The following TP53INP1 variants were observed in gnomAD, a reference collection of about 807,000 sequenced individuals.
The protein encoded by TP53INP1 is tumor protein p53-inducible nuclear protein 1.
A neutral mutation model predicts 21.0 loss-of-function variants in TP53INP1; 12 were observed. That is an observed-to-expected ratio of 0.57 (90% CI 0.37 to 0.93). The LOEUF (loss-of-function observed/expected upper bound fraction) is 0.93, where lower values mean the gene tolerates loss of function less well. Among genes scored for constraint, TP53INP1 ranks in the 40% least tolerant of loss-of-function variants. TP53INP1 has a pLI of 0.01. For synonymous variants in TP53INP1, 91 were observed against 94.8 expected, an observed-to-expected ratio of 0.96 and a Z score of 0.23; for missense variants, 274 against 294.7, an observed-to-expected ratio of 0.93 and a Z score of 0.51.
At chr8:94,945,177 T>C (rs1254613472) in intron 1 of TP53INP1, among the ~76,000 whole-genome samples, 1 of 152,234 alleles carries the variant, frequency 6.6e-6, no homozygotes, top group Non-Finnish European at 1.5e-5. Flanking sequence ...AGTTAGGGTA[T>C]GAATCTACTT....
At chr8:94,940,389 G>A (rs1821415633) in intron 2 of TP53INP1, among the ~76,000 whole-genome samples, 169 bp from the exon 3 acceptor site, 1 of 152,042 alleles carries the variant, frequency 6.6e-6, no homozygotes. Context: ...ATTTAGTTCA[G>A]AAAACCATTT....
intron 1 of TP53INP1, among the ~76,000 whole-genome samples, 197 bp from the exon 2 acceptor site, chr8:94,941,288 T>C (rs979203659): frequency 6.6e-6 from 1 of 152,220 alleles, no homozygotes; most frequent in Non-Finnish European, 1.5e-5. Context: ...ATTCAACCTA[T>C]AAATATCTTA....
At chr8:94,946,116 T>C (rs1270711523) in intron 1 of TP53INP1, among the ~76,000 whole-genome samples, 2 of 152,146 alleles carry the variant, frequency 1.3e-5, no homozygotes, top group African/African-American at 4.8e-5. Context: ...GTTTTTTTTT[T>C]TCTTCTACAC....
rs1268980230 is a variant in TP53INP1, at chr8:94,939,842, T to C, written c.473+18A>G. ...GCTCAGTGGACTGCCTACAGAGAGTTAAATACTTGTAACGTACCTGGGACT... is the reference window on the plus strand; with the variant it reads ...GCTCAGTGGACTGCCTACAGAGAGTCAAATACTTGTAACGTACCTGGGACT... On this transcript the variant is annotated intron_variant, in intron 3 of 3. Coordinates refer to ENST00000342697, the MANE Select transcript of TP53INP1 (RefSeq NM_033285.4). 3.7e-6 allele frequency: 6 copies of C among 1,601,614 alleles called. No individual in the cohort carries two copies. In the East Asian group the frequency reaches 1.3e-4, roughly 36 times the overall value.
At chr8:94,947,724 T>C (rs1822146576) in intron 1 of TP53INP1, among the ~76,000 whole-genome samples, 1 of 152,136 alleles carries the variant, frequency 6.6e-6, no homozygotes, top group Non-Finnish European at 1.5e-5. Context: ...CAAGAGTAAG[T>C]GGTAATTCAT....
At chr8:94,935,178 A>G (rs1820863659) in intron 3 of TP53INP1, among the ~76,000 whole-genome samples, 1 of 91,468 alleles carries the variant, frequency 1.1e-5, no homozygotes, top group African/African-American at 4.0e-5. Flanking sequence ...GATAGATATA[A>G]TACAATACTT....
chr8:94,936,256 G>C (rs775006942), intron 3 of TP53INP1, among the ~76,000 whole-genome samples: 7 of 152,222 alleles, frequency 4.6e-5, no homozygotes, highest in Non-Finnish European at 1.0e-4. Context: ...TAGGAGGGCA[G>C]TGCCCAGAAG....
rs1479938438 is a variant in TP53INP1 at position 94,927,152 on chromosome 8, A to G, written c.*3327T>C. On this transcript the variant is annotated 3_prime_UTR_variant, in exon 4 of 4. Coordinates refer to ENST00000342697, the MANE Select transcript of TP53INP1 (RefSeq NM_033285.4). ...TTTTCCCACTAATCTATTTAAATGT[A>G]AATATCTGTCTTCTAGTTGGAGTCC... The G allele has an allele frequency of 6.6e-6, 1 of 152,658 alleles. No individual in the cohort carries two copies. Among genetic ancestry groups the G allele is most frequent in the Non-Finnish European group, 1.5e-5 (1 of 68,040 alleles). The allele number at this position is 152,658 out of a possible 1,614,324, so 9.5% of individuals were successfully genotyped here. A position where few individuals can be genotyped will look rare whatever the true frequency, so the allele number is the denominator to read the frequency against.
intron 3 of TP53INP1, among the ~76,000 whole-genome samples, chr8:94,934,088 AAAG>A (rs1046677438): frequency 9.2e-5 from 14 of 152,244 alleles, no homozygotes; most frequent in African/African-American, 2.4e-4. Flanking sequence ...AAAAAAAAAA[AAAG>A]AAGTATATAT....
intron 3 of TP53INP1, among the ~76,000 whole-genome samples, chr8:94,937,415 T>TG (rs1462204128): frequency 6.9e-6 from 1 of 144,252 alleles, no homozygotes; most frequent in African/African-American, 2.7e-5. Context: ...CACTCCAGCC[T>TG]GGGTGACACA....
In TP53INP1 at chr8:94,941,098, T is replaced by C. The variant is rs1008104415; in HGVS notation, c.-150-7A>G. The C allele has an allele frequency of 1.5e-4, 89 of 596,670 alleles. No homozygotes were observed. The African/African-American group carries it at 1.5e-3, about 10-fold the overall frequency. 37.0% of individuals were successfully genotyped at this position (596,670 alleles called of 1,614,324 possible). ...GCAAGAAGAGTCATTGTACCTAAAA[T>C]AAAACAGAAAAAGGAAGTTATTTCA... On this transcript the variant is annotated splice_region_variant and splice_polypyrimidine_tract_variant and intron_variant, in intron 1 of 3. Coordinates refer to ENST00000342697, the MANE Select transcript of TP53INP1 (RefSeq NM_033285.4).
intron 3 of TP53INP1, among the ~76,000 whole-genome samples, chr8:94,939,121 A>G (rs915323206): frequency 2.0e-5 from 3 of 152,202 alleles, no homozygotes; most frequent in Non-Finnish European, 4.4e-5. Flanking sequence ...TGCAGGAAGA[A>G]ACTGAGTTTG....
intron 3 of TP53INP1, among the ~76,000 whole-genome samples, chr8:94,936,063 A>G (rs1330848785): frequency 6.6e-6 from 1 of 152,208 alleles, no homozygotes; most frequent in African/African-American, 2.4e-5. Flanking sequence ...TTATGGCAAA[A>G]GACTGTGAAC....
rs3817358 is a variant in TP53INP1 at position 94,939,734 on chromosome 8, A to G, written c.473+126T>C. 5.3e-4 allele frequency: 710 copies of G among 1,334,212 alleles called. 8 individuals carry two copies. The East Asian group carries it at 0.016, about 31-fold the overall frequency. The allele number at this position is 1,334,212 out of a possible 1,614,324, so 82.6% of individuals were successfully genotyped here. On this transcript the variant is annotated intron_variant, in intron 3 of 3. Coordinates refer to ENST00000342697, the MANE Select transcript of TP53INP1 (RefSeq NM_033285.4). ...TTACGGACCATCTTGTGTACTATGC[A>G]CATGCTTTCATAAATCTCTAACAAA...
rs1306791593 is a variant in TP53INP1 at position 94,926,535 on chromosome 8, G to A, written c.*3944C>T. The A allele has an allele frequency of 6.6e-6, 1 of 151,924 alleles. No individual in the cohort carries two copies. Among genetic ancestry groups the A allele is most frequent in the Non-Finnish European group, 1.5e-5 (1 of 68,004 alleles). 9.4% of individuals were successfully genotyped at this position (151,924 alleles called of 1,614,324 possible). A position where few individuals can be genotyped will look rare whatever the true frequency, so the allele number is the denominator to read the frequency against. On this transcript the variant is annotated 3_prime_UTR_variant, in exon 4 of 4. Transcript: ENST00000342697. ...ACACATCTAACCTCCCCAGGTACTG[G>A]TTTGGTTTTCAGAGGTCCACCTAGA...
intron 1 of TP53INP1, among the ~76,000 whole-genome samples, chr8:94,943,252 G>A (rs1821711989): frequency 6.6e-6 from 1 of 152,182 alleles, no homozygotes; most frequent in Non-Finnish European, 1.5e-5. Context: ...ATTTTGGGAG[G>A]CTGAGGCCAC....
chr8:94,939,938 T>G lies in TP53INP1; in HGVS notation c.395A>C (p.Tyr132Ser). 1 of 1,614,174 alleles carries G rather than the reference T, an allele frequency of 6.2e-7. No homozygotes were observed. The highest frequency in any genetic ancestry group is 8.5e-7 in the Non-Finnish European group (1 of 1,180,026). Reference protein sequence around the residue: ...LLIEHPSMSVYAVHNSCPGLS... With the variant: ...LLIEHPSMSVSAVHNSCPGLS... ...ACCAGGGCAGGAGTTATGCACAGCA[T>G]AGACAGACATGCTGGGATGTTCAAT... The change falls in exon 3 of 4, where the codon TAT becomes TCT. Residue 132 changes from tyrosine to serine, a missense_variant. Transcript: ENST00000342697.
At position 94,926,309 on chromosome 8, in the gene TP53INP1, A is replaced by G. The variant is rs2131290551; in HGVS notation, c.*4170T>C. ...AAAAAATGTGTCGAGAAACACATTA[A>G]GAAGGCACATGTACAGTCTACAATA... On this transcript the variant is annotated 3_prime_UTR_variant, in exon 4 of 4. Transcript: ENST00000342697. The G allele has an allele frequency of 6.5e-6, 1 of 152,736 alleles. No homozygotes were observed. The highest frequency in any genetic ancestry group is 1.9e-4 in the East Asian group (1 of 5,192). The allele number at this position is 152,736 out of a possible 1,614,324, so 9.5% of individuals were successfully genotyped here. A position where few individuals can be genotyped will look rare whatever the true frequency, so the allele number is the denominator to read the frequency against.
In TP53INP1 at chr8:94,930,415, A is replaced by G. The variant is rs542484737; in HGVS notation, c.*64T>C. On this transcript the variant is annotated 3_prime_UTR_variant, in exon 4 of 4. Transcript: ENST00000342697. ...TAAAGAGACAACATTTTCACTGTAC[A>G]TATACACACATCCATACATGTAAGC... 2.5e-6 allele frequency: 4 copies of G among 1,596,726 alleles called. No individual in the cohort carries two copies. The highest frequency in any genetic ancestry group is 1.7e-4 in the Middle Eastern group (1 of 6,004).
Sources: allele counts gnomAD v4.1 joint callset (sites outside exome capture counted in the v4.1 genomes callset), GRCh38; gene constraint gnomAD v4.1.1; transcripts MANE v1.5; gene names NCBI Gene and HGNC (gene_info 2026-07-23, HGNC 2026-07-21).